The following WDR47 variants were observed in gnomAD, a reference collection of about 807,000 sequenced individuals.
WDR47 encodes WD repeat domain 47.
Under a neutral mutation model 97.2 loss-of-function variants are expected in WDR47, and 32 were observed. The observed-to-expected ratio is 0.33, with a 90% CI of 0.25 to 0.44. The LOEUF (loss-of-function observed/expected upper bound fraction) is 0.44, where lower values mean the gene tolerates loss of function less well. Ranked by LOEUF, WDR47 falls within the 20% of genes least tolerant of loss-of-function variation. WDR47 has a pLI of 1.00. For synonymous variants in WDR47, 375 were observed against 373.5 expected (o/e 1.00, Z -0.05); for missense variants, 782 against 1,102.3 (o/e 0.71, Z 4.11).
At chr1:108,974,095 G>C (rs1457022652) in intron 14 of WDR47, among the ~76,000 whole-genome samples, 2 of 152,038 alleles carry the variant, frequency 1.3e-5, no homozygotes, top group African/African-American at 4.8e-5. Flanking sequence ...TTGCAGGGCT[G>C]AGGTGGGAGG....
In WDR47 at chr1:108,981,753, C is replaced by A; in HGVS notation, c.2378G>T (p.Gly793Val). 6.2e-7 allele frequency: 1 copy of A among 1,612,412 alleles called. No homozygotes were observed. The highest frequency in any genetic ancestry group is 1.7e-5 in the Admixed American group (1 of 59,756). Reference sequence around the variant, plus strand: ...CCTACCAGTTCCATGAAATGTTGTGCCAACAACACGAACACAACTTGGTAC... The same window carrying A: ...CCTACCAGTTCCATGAAATGTTGTGACAACAACACGAACACAACTTGGTAC... Reference protein sequence around the residue: ...LRVPSCVRVVGTTFHGTGSAV... With the variant: ...LRVPSCVRVVVTTFHGTGSAV... Residue 793 changes from glycine to valine, a missense_variant, in exon 13 of 15, where the codon GGC becomes GTC. Coordinates refer to ENST00000369962, the MANE Select transcript of WDR47 (RefSeq NM_001142551.2).
chr1:108,973,227 C>G (rs988760950), intron 14 of WDR47, among the ~76,000 whole-genome samples: 3 of 151,960 alleles, frequency 2.0e-5, no homozygotes, highest in Non-Finnish European at 2.9e-5. Context: ...CTGCAGTGAG[C>G]CAAGATGCAC....
intron 2 of WDR47, among the ~76,000 whole-genome samples, chr1:109,020,801 G>T (rs1661778087): frequency 6.6e-6 from 1 of 151,298 alleles, no homozygotes. Context: ...AGTTTAAATA[G>T]AGTCCCCTAA....
At chr1:108,998,129 T>C (rs577217554) in intron 7 of WDR47, among the ~76,000 whole-genome samples, 4 of 150,488 alleles carry the variant, frequency 2.7e-5, no homozygotes, top group Non-Finnish European at 4.4e-5. Context: ...AATGTACATA[T>C]ATCTTTTTTA....
chr1:109,032,235 G>T lies in WDR47; in HGVS notation c.-9-8714C>A, dbSNP rs556585010. ...CATGATAAAAACGATTTTCTGGCCA[G>T]GCGCAGTGGCTCATGCCTGTAATCC... On this transcript the variant is annotated intron_variant, in intron 1 of 14. Coordinates refer to ENST00000369962, the MANE Select transcript of WDR47 (RefSeq NM_001142551.2). 5.4e-4 allele frequency among the ~76,000 whole-genome samples: 76 copies of T among 139,742 alleles called. 8 individuals are homozygous for T. The highest frequency in any genetic ancestry group is 1.9e-3 in the African/African-American group (74 of 39,060). 91.7% of individuals were successfully genotyped at this position (139,742 alleles called of 152,430 possible).
chr1:109,003,310 A>T (rs1180915380), intron 6 of WDR47, among the ~76,000 whole-genome samples: 1 of 152,104 alleles, frequency 6.6e-6, no homozygotes, highest in Non-Finnish European at 1.5e-5. Context: ...TATTTGCATC[A>T]TATTTTAAAG....
chr1:108,984,813 G>T (rs1658646925), intron 10 of WDR47, among the ~76,000 whole-genome samples: 1 of 152,160 alleles, frequency 6.6e-6, no homozygotes, highest in African/African-American at 2.4e-5. Context: ...AGGAGGTGGA[G>T]GTTACAGTGA....
Position 108,995,614 on chromosome 1 carries a change from G to GT in WDR47, c.1656dup (p.Pro553ThrfsTer20). 6.2e-7 allele frequency: 1 copy of GT among 1,614,124 alleles called. No individual in the cohort carries two copies. Among genetic ancestry groups the GT allele is most frequent in the Non-Finnish European group, 8.5e-7 (1 of 1,180,006 alleles). ...CCACAAGGTGATTCCTCCAGAAAAG[G>GT]TATGTGATTTGTTGATCCAGGATTA... On this transcript the variant is annotated frameshift_variant, in exon 8 of 15. Transcript: ENST00000369962. LOFTEE classifies it high-confidence loss of function.
Position 108,981,691 on chromosome 1 carries a change from C to G in WDR47, c.2398+42G>C, listed in dbSNP as rs77563817. The G allele has an allele frequency of 2.5e-3, 3,896 of 1,558,280 alleles. 74 individuals carry two copies. The African/African-American group carries it at 0.047, about 19-fold the overall frequency. ...AGAAGAAGTAGACTAGTCTAATTTA[C>G]AAAGTTTTTTTCCCATATATATCAT... On this transcript the variant is annotated intron_variant, in intron 13 of 14. Coordinates refer to ENST00000369962, the MANE Select transcript of WDR47 (RefSeq NM_001142551.2).
chr1:109,025,404 C>A (rs1662138041), intron 1 of WDR47, among the ~76,000 whole-genome samples: 1 of 145,124 alleles, frequency 6.9e-6, no homozygotes, highest in Non-Finnish European at 1.5e-5. Flanking sequence ...GCACTCCAGC[C>A]TGGGCGGTAG....
chr1:108,996,681 T>C (rs941123709), intron 7 of WDR47, among the ~76,000 whole-genome samples: 1 of 152,166 alleles, frequency 6.6e-6, no homozygotes, highest in East Asian at 1.9e-4. Flanking sequence ...ATCTAGACAA[T>C]AGGGAGATAA....
intron 7 of WDR47, among the ~76,000 whole-genome samples, chr1:108,996,395 A>T (rs764132295): frequency 1.3e-5 from 2 of 152,186 alleles, no homozygotes; most frequent in Non-Finnish European, 2.9e-5. Context: ...CAATAAAAAC[A>T]GAAAAAAAAT....
chr1:108,987,393 A>G (rs1432297360), intron 9 of WDR47: 3 of 152,438 alleles, frequency 2.0e-5, no homozygotes, highest in African/African-American at 7.3e-5. Flanking sequence ...GGCTCAAGCA[A>G]TCTGCCCACC....
chr1:108,979,542 AAAAAC>A (rs917010552), intron 13 of WDR47, among the ~76,000 whole-genome samples: 28 of 151,798 alleles, frequency 1.8e-4, no homozygotes, highest in African/African-American at 5.8e-4. Flanking sequence ...AACAAAACAA[AAAAAC>A]AAAACAAAAG....
At chr1:109,011,750 A>G in intron 4 of WDR47, 32 bp from the exon 5 acceptor site, 1 of 1,529,482 alleles carries the variant, frequency 6.5e-7, no homozygotes, top group Non-Finnish European at 8.8e-7. Context: ...TCAAATAATC[A>G]CTATAAAAAA....
intron 8 of WDR47, chr1:108,992,605 T>C: frequency 7.2e-7 from 1 of 1,394,784 alleles, no homozygotes; most frequent in Admixed American, 1.7e-5. Flanking sequence ...AGGGTTTAGA[T>C]GTAGATTCTC....
intron 3 of WDR47, among the ~76,000 whole-genome samples, chr1:109,015,092 T>G (rs796583729): frequency 6.6e-6 from 1 of 151,922 alleles, no homozygotes; most frequent in East Asian, 1.9e-4. Flanking sequence ...CAATCAGAAG[T>G]GTACCAGGTA....
chr1:109,017,484 G>T (rs1661499702), intron 3 of WDR47, 34 bp downstream of exon 3: 1 of 1,547,860 alleles, frequency 6.5e-7, no homozygotes, highest in Non-Finnish European at 8.8e-7. Flanking sequence ...TTCTACCAAT[G>T]ATGAGACACT....
At chr1:109,017,278 G>A (rs941369564) in intron 3 of WDR47, among the ~76,000 whole-genome samples, 1 of 152,128 alleles carries the variant, frequency 6.6e-6, no homozygotes, top group African/African-American at 2.4e-5. Context: ...GTACACGCCT[G>A]TATAGTCCCA....
Sources: allele counts gnomAD v4.1 joint callset (sites outside exome capture counted in the v4.1 genomes callset), GRCh38; gene constraint gnomAD v4.1.1; transcripts MANE v1.5; gene names NCBI Gene and HGNC (gene_info 2026-07-23, HGNC 2026-07-21).